The following MPHOSPH10 variants were observed in gnomAD, a reference collection of about 807,000 sequenced individuals.
MPHOSPH10 encodes the protein U3 small nucleolar ribonucleoprotein MPP10.
A neutral mutation model predicts 77.3 loss-of-function variants in MPHOSPH10; 33 were observed. That is an observed-to-expected ratio of 0.43 (90% CI 0.32 to 0.57). MPHOSPH10 has a LOEUF of 0.57. MPHOSPH10 is among the 20% of genes least tolerant of loss of function. MPHOSPH10 has a pLI of 0.07. For missense variants in MPHOSPH10, 708 were observed against 780.1 expected, an observed-to-expected ratio of 0.91 and a Z score of 1.10; for synonymous variants, 245 against 268.0, an observed-to-expected ratio of 0.91 and a Z score of 0.84.
chr2:71,136,847 C>CA (rs1673500681), intron 4 of MPHOSPH10, among the ~76,000 whole-genome samples: 1 of 109,200 alleles, frequency 9.2e-6, no homozygotes, highest in African/African-American at 3.4e-5. Context: ...GAACTTTCAA[C>CA]CTTTTTTTTT....
chr2:71,132,626 A>G (rs1673410092), intron 1 of MPHOSPH10, among the ~76,000 whole-genome samples: 1 of 152,212 alleles, frequency 6.6e-6, no homozygotes, highest in South Asian at 2.1e-4. Flanking sequence ...CAGAATTGAT[A>G]ATTTAAGGTT....
At chr2:71,140,570 AG>A (rs1317301658) in intron 6 of MPHOSPH10, among the ~76,000 whole-genome samples, 3 of 152,326 alleles carry the variant, frequency 2.0e-5, no homozygotes, top group African/African-American at 4.8e-5. Flanking sequence ...TGAGTTTTGG[AG>A]GGGACATTCA....
In MPHOSPH10 at chr2:71,138,614, A is replaced by C. The variant is rs775308855; in HGVS notation, c.1223A>C (p.Asp408Ala). Residue 408 changes from aspartate to alanine, a missense_variant, in exon 5 of 11, where the codon GAC (aspartate) becomes GCC (alanine). By Grantham distance (126) the Asp-to-Ala change is moderately radical. Coordinates refer to ENST00000244230, the MANE Select transcript of MPHOSPH10 (RefSeq NM_005791.3). ...NSLLEETLHF[D>A]HAVRMAPVIT... is the part of the protein sequence containing the mutation. ...CTCCTGGAGGAGACCCTACACTTTG[A>C]CCATGCTGTCCGGATGGGTATGGTG... 3 of 1,614,044 alleles carry C rather than the reference A, an allele frequency of 1.9e-6. No homozygotes were observed. Among genetic ancestry groups the C allele is most frequent in the Admixed American group, 3.3e-5 (2 of 59,994 alleles).
rs1232145955 is a variant in MPHOSPH10, at chr2:71,131,087, CT to C, written c.89+335del. 2.6e-5 allele frequency among the ~76,000 whole-genome samples: 4 copies of C among 152,274 alleles called. No homozygotes were observed. The East Asian group carries it at 7.7e-4, about 29-fold the overall frequency. ...CTATGTGCTCTCAAAGCACTTAGCG[CT>C]TAGCATACTTTATTGAAAGTACGAA... is the stretch of plus-strand genomic sequence containing the variant. On this transcript the variant is annotated intron_variant, in intron 1 of 10. Coordinates refer to ENST00000244230, the MANE Select transcript of MPHOSPH10 (RefSeq NM_005791.3).
chr2:71,141,748 G>T (rs557217551), intron 7 of MPHOSPH10, among the ~76,000 whole-genome samples: 10 of 152,020 alleles, frequency 6.6e-5, no homozygotes, highest in African/African-American at 2.4e-4. Flanking sequence ...AAAATCTCTG[G>T]GCTGGGTATG....
intron 7 of MPHOSPH10, among the ~76,000 whole-genome samples, chr2:71,144,073 A>C (rs777972816): frequency 5.3e-5 from 8 of 152,232 alleles, no homozygotes; most frequent in African/African-American, 7.2e-5. Flanking sequence ...CAAGGGTTCC[A>C]GTTTCTCCAT....
chr2:71,143,519 C>G (rs1355151422), intron 7 of MPHOSPH10, among the ~76,000 whole-genome samples: 1 of 152,016 alleles, frequency 6.6e-6, no homozygotes, highest in East Asian at 1.9e-4. Context: ...AAATTGGGAG[C>G]ATTTAGGACA....
chr2:71,137,656 C>CAAAAAAAAAAAAAAAAAAAAAAAAA (rs60072810), intron 4 of MPHOSPH10, among the ~76,000 whole-genome samples: 2 of 46,358 alleles, frequency 4.3e-5, no homozygotes, highest in African/African-American at 7.4e-5. Context: ...GAGACTGTCT[C>CAAAAAAAAAAAAAAAAAAAAAAAAA]AAAAAAAAAA....
At chr2:71,148,160 G>A in intron 9 of MPHOSPH10, 54 bp downstream of exon 9, 1 of 1,429,152 alleles carries the variant, frequency 7.0e-7, no homozygotes, top group Non-Finnish European at 9.9e-7. Flanking sequence ...GTTGATCATA[G>A]CCAGACTCCA....
intron 4 of MPHOSPH10, among the ~76,000 whole-genome samples, chr2:71,137,520 G>A (rs1004986207): frequency 7.9e-5 from 12 of 151,994 alleles, no homozygotes; most frequent in Admixed American, 5.9e-4. Context: ...TTAGTCAGGC[G>A]TGGTTGCACG....
rs879802019 is a variant in MPHOSPH10, at chr2:71,137,189, C to T, written c.1099-1301C>T. ...TTCTAATTTTTTTTTTCACTCCTAG[C>T]GGAATATAAATACATTTAAGCCAAA... On this transcript the variant is annotated intron_variant, in intron 4 of 10. Coordinates refer to ENST00000244230, the MANE Select transcript of MPHOSPH10 (RefSeq NM_005791.3). Among the ~76,000 whole-genome samples, 12 of 151,414 alleles carry T rather than the reference C, an allele frequency of 7.9e-5. 1 individual carries two copies. Among genetic ancestry groups the T allele is most frequent in the East Asian group, 1.9e-4 (1 of 5,172 alleles).
At chr2:71,144,931 G>T (rs1486206142) in intron 8 of MPHOSPH10, among the ~76,000 whole-genome samples, 1 of 152,204 alleles carries the variant, frequency 6.6e-6, no homozygotes, top group African/African-American at 2.4e-5. Flanking sequence ...CATTTATGGA[G>T]TATCTGCTAT....
rs1456622782 is a variant in MPHOSPH10, at chr2:71,138,530, A to G, written c.1139A>G (p.Glu380Gly). 3 of 1,599,228 alleles carry G rather than the reference A, an allele frequency of 1.9e-6. No individual in the cohort carries two copies. In the African/African-American group the frequency reaches 4.0e-5, roughly 22 times the overall value. The change falls in exon 5 of 11, where the codon GAA becomes GGA. Residue 380 changes from glutamate to glycine, a missense_variant. By Grantham distance (98) the Glu-to-Gly change is moderately conservative (BLOSUM62 -2). Around this residue, in one of 3 missense-constraint regions of MPHOSPH10, gnomAD observed 433 missense variants for 432.6 expected, o/e 1.00. Coordinates refer to ENST00000244230, the MANE Select transcript of MPHOSPH10 (RefSeq NM_005791.3). ...KIASLEKELLEKKPWQLQGEV... is the reference protein window; with the variant it reads ...KIASLEKELLGKKPWQLQGEV... ...GCATCTTTAGAAAAAGAGTTGTTAG[A>G]AAAAAAGCCGTGGCAGCTTCAGGGG...
rs148255112 is a variant in MPHOSPH10 at position 71,133,300 on chromosome 2, C to T, written c.492C>T (p.Pro164=). The part of the protein sequence containing the change: ...NSSKSDLRKS[P]VFSDEDSDLD... ...GCAAATCTGATCTGAGGAAAAGCCC[C>T]GTTTTCAGTGATGAGGATTCTGACC... The change falls in exon 2 of 11, where the codon CCC becomes CCT. Residue 164 remains proline (P), a synonymous_variant. Coordinates refer to ENST00000244230, the MANE Select transcript of MPHOSPH10 (RefSeq NM_005791.3). 10 of 1,613,886 alleles carry T rather than the reference C, an allele frequency of 6.2e-6. No individual in the cohort carries two copies. Among genetic ancestry groups the T allele is most frequent in the East Asian group, 2.2e-5 (1 of 44,878 alleles).
In MPHOSPH10 at chr2:71,132,944, C is replaced by T. The variant is rs751222851; in HGVS notation, c.136C>T (p.Leu46Phe). ...ASKFTSLTKV[L>F]YDFNKILENG... is the part of the protein sequence containing the mutation. ...AAAGTTCACTTCTTTAACAAAAGTG[C>T]TTTATGACTTTAATAAAATATTAGA... The change falls in exon 2 of 11, where the codon CTT becomes TTT. Residue 46 changes from leucine to phenylalanine, a missense_variant. By Grantham distance (22) the Leu-to-Phe change is conservative. Around this residue, in one of 3 missense-constraint regions of MPHOSPH10, gnomAD observed 433 missense variants for 432.6 expected, o/e 1.00. Coordinates refer to ENST00000244230, the MANE Select transcript of MPHOSPH10 (RefSeq NM_005791.3). The T allele has an allele frequency of 6.2e-7, 1 of 1,613,246 alleles. No homozygotes were observed. Among genetic ancestry groups the T allele is most frequent in the Non-Finnish European group, 8.5e-7 (1 of 1,179,674 alleles).
intron 1 of MPHOSPH10, among the ~76,000 whole-genome samples, 163 bp from the exon 2 acceptor site, chr2:71,132,735 A>G (rs1446745965): frequency 6.6e-6 from 1 of 152,236 alleles, no homozygotes. Flanking sequence ...GGTTTTATAT[A>G]TCAGTGTAGC....
At chr2:71,143,030 G>A (rs2103675512) in intron 7 of MPHOSPH10, among the ~76,000 whole-genome samples, 1 of 152,136 alleles carries the variant, frequency 6.6e-6, no homozygotes, top group South Asian at 2.1e-4. Context: ...TGTGATTTGT[G>A]AGAATAAATC....
intron 9 of MPHOSPH10, chr2:71,149,009 A>G (rs1673767421): frequency 5.1e-6 from 3 of 591,736 alleles, no homozygotes; most frequent in African/African-American, 1.9e-5. Flanking sequence ...AACCGTCACT[A>G]TAAGAGTCTG....
At chr2:71,133,916 A>T in intron 2 of MPHOSPH10, 32 bp from the exon 3 acceptor site, 1 of 1,388,394 alleles carries the variant, frequency 7.2e-7, no homozygotes, top group Non-Finnish European at 9.8e-7. Flanking sequence ...TTCTATCCCT[A>T]ATTAATAGTT....
Sources: allele counts gnomAD v4.1 joint callset (sites outside exome capture counted in the v4.1 genomes callset), GRCh38; gene constraint gnomAD v4.1.1; regional missense constraint gnomAD v4.1.1; transcripts MANE v1.5; gene names NCBI Gene and HGNC (gene_info 2026-07-23, HGNC 2026-07-21).